The following YWHAQ variants were observed in gnomAD, a reference collection of about 807,000 sequenced individuals.
YWHAQ encodes the protein tyrosine 3-monooxygenase/tryptophan 5-monooxygenase activation protein theta.
In YWHAQ, 6 loss-of-function variants were observed where a neutral mutation model predicts 28.3. The ratio of observed to expected loss-of-function variants is 0.21; its 90% CI spans 0.12 to 0.42. YWHAQ has a LOEUF of 0.42. Ranked by LOEUF, YWHAQ falls within the 10% of genes least tolerant of loss-of-function variation. The pLI, the probability that YWHAQ is intolerant of heterozygous loss-of-function variation, is 1.00. For missense variants in YWHAQ, 201 were observed against 305.6 expected (o/e 0.66, Z 2.55); for synonymous variants, 143 against 119.1 (o/e 1.20, Z -1.31).
intron 2 of YWHAQ, among the ~76,000 whole-genome samples, chr2:9,618,257 T>A (rs1041812363): frequency 6.6e-6 from 1 of 152,238 alleles, no homozygotes; most frequent in Non-Finnish European, 1.5e-5. Context: ...ATTTGAATTA[T>A]ATTTAATTTT....
In YWHAQ at chr2:9,593,461, G is replaced by A. The variant is rs1399472430; in HGVS notation, c.295-1946C>T. On this transcript the variant is annotated intron_variant, in intron 2 of 5. Coordinates refer to ENST00000238081, the MANE Select transcript of YWHAQ (RefSeq NM_006826.4). ...TGACCTCAAGTGATCTGCCCACCTC[G>A]GCCTCCCAAAGTACTGGGATTACAG... Among the ~76,000 whole-genome samples, 9 of 151,892 alleles carry A rather than the reference G, an allele frequency of 5.9e-5. No homozygotes were observed. The East Asian group carries it at 7.8e-4, about 13-fold the overall frequency.
intron 2 of YWHAQ, among the ~76,000 whole-genome samples, chr2:9,597,983 CTATT>C (rs1666610541): frequency 1.3e-5 from 1 of 79,090 alleles, no homozygotes; most frequent in African/African-American, 8.3e-5. Context: ...CCATGCCGGG[CTATT>C]TTTTTTTTTT....
In YWHAQ at chr2:9,626,502, C is replaced by T. The variant is rs537816828; in HGVS notation, c.294+3657G>A. Among the ~76,000 whole-genome samples, 289 of 152,344 alleles carry T rather than the reference C, an allele frequency of 1.9e-3. 4 individuals are homozygous for T. Among genetic ancestry groups the T allele is most frequent in the African/African-American group, 6.6e-3 (276 of 41,584 alleles). On this transcript the variant is annotated intron_variant, in intron 2 of 5. Transcript: ENST00000238081. Reference sequence around the variant, plus strand: ...TGGAGTGCAGTGGCACATCTCGGCTCACTGCAACCTTCGCCTCCCAGATTC... The same window carrying T: ...TGGAGTGCAGTGGCACATCTCGGCTTACTGCAACCTTCGCCTCCCAGATTC...
At chr2:9,604,225 G>GT (rs1167266122) in intron 2 of YWHAQ, among the ~76,000 whole-genome samples, 1 of 152,020 alleles carries the variant, frequency 6.6e-6, no homozygotes, top group Non-Finnish European at 1.5e-5. Flanking sequence ...TTTTCTTAAG[G>GT]TAACAAACGA....
chr2:9,592,186 A>C (rs1490330406), intron 2 of YWHAQ, among the ~76,000 whole-genome samples: 3 of 152,238 alleles, frequency 2.0e-5, no homozygotes, highest in Non-Finnish European at 4.4e-5. Flanking sequence ...AGGTAAATAC[A>C]GGAATCGAGA....
chr2:9,619,977 A>G (rs749485705), intron 2 of YWHAQ, among the ~76,000 whole-genome samples: 11 of 152,240 alleles, frequency 7.2e-5, no homozygotes, highest in African/African-American at 1.7e-4. Context: ...ATGGAGTACT[A>G]ATTATTGAAG....
chr2:9,629,834 C>G (rs894224407), intron 2 of YWHAQ, among the ~76,000 whole-genome samples: 8 of 152,210 alleles, frequency 5.3e-5, no homozygotes, highest in African/African-American at 1.9e-4. Flanking sequence ...AAAGGGCTCA[C>G]AGATCTCAGG....
At chr2:9,628,240 G>A (rs1667286832) in intron 2 of YWHAQ, among the ~76,000 whole-genome samples, 1 of 152,174 alleles carries the variant, frequency 6.6e-6, no homozygotes, top group Non-Finnish European at 1.5e-5. Context: ...ATGCCTTGGT[G>A]TCTCGGATTC....
chr2:9,625,679 C>T (rs1667235196), intron 2 of YWHAQ, among the ~76,000 whole-genome samples: 1 of 152,168 alleles, frequency 6.6e-6, no homozygotes, highest in South Asian at 2.1e-4. Context: ...TATCAACCTA[C>T]CTTAGGGGAG....
intron 2 of YWHAQ, among the ~76,000 whole-genome samples, chr2:9,602,888 T>A (rs1164599270): frequency 1.1e-5 from 1 of 90,816 alleles, no homozygotes; most frequent in Non-Finnish European, 2.2e-5. Flanking sequence ...TATATATATA[T>A]ATATATATAT....
At chr2:9,625,962 A>G (rs1667239996) in intron 2 of YWHAQ, among the ~76,000 whole-genome samples, 1 of 152,156 alleles carries the variant, frequency 6.6e-6, no homozygotes, top group South Asian at 2.1e-4. Context: ...GAAGAAAAAC[A>G]TATCAGTCTT....
intron 2 of YWHAQ, among the ~76,000 whole-genome samples, chr2:9,616,667 G>A (rs934390675): frequency 5.3e-5 from 8 of 151,710 alleles, no homozygotes; most frequent in Admixed American, 3.3e-4. Flanking sequence ...TTTCTCCAAA[G>A]AGCATATACT....
In YWHAQ at chr2:9,630,480, G is replaced by A. The variant is rs771615816; in HGVS notation, c.-28C>T. ...CGGGCGCGGGGCCGGGGCCGGGGCG[G>A]AGGGCGAGGAGAGCGAGGGCGAGCG... On this transcript the variant is annotated 5_prime_UTR_variant, in exon 2 of 6. Transcript: ENST00000238081. This position sits in a 1 kb window ranked among gnomAD's most constrained non-coding sequence, Gnocchi z 5.6. The A allele has an allele frequency of 1.3e-6, 2 of 1,560,774 alleles. No individual in the cohort carries two copies. Among genetic ancestry groups the A allele is most frequent in the South Asian group, 1.2e-5 (1 of 85,800 alleles).
In YWHAQ at chr2:9,630,316, A is replaced by T; in HGVS notation, c.137T>A (p.Val46Glu). 6.2e-7 allele frequency: 1 copy of T among 1,614,160 alleles called. No individual in the cohort carries two copies. The highest frequency in any genetic ancestry group is 8.5e-7 in the Non-Finnish European group (1 of 1,180,040). ...LSNEERNLLS[V>E]AYKNVVGGRR... ...GCCCCCGACCACGTTCTTGTAGGCC[A>T]CGGAGAGCAGGTTGCGCTCCTCGTT... The change falls in exon 2 of 6, where the codon GTG becomes GAG. Residue 46 changes from valine to glutamate, a missense_variant. Coordinates refer to ENST00000238081, the MANE Select transcript of YWHAQ (RefSeq NM_006826.4). This position sits in a 1 kb window ranked among gnomAD's most constrained non-coding sequence, Gnocchi z 5.6.
rs1396623163 is a variant in YWHAQ at position 9,602,843 on chromosome 2, AAAAAAAAAAAAAAAAAAAAATATATATAT to A, written c.295-11357_295-11329del. On this transcript the variant is annotated intron_variant, in intron 2 of 5. Transcript: ENST00000238081. ...CATGCCTAATTTAAAAAAAAAAAAA[AAAAAAAAAAAAAAAAAAAAATATATATAT>A]ATATATATATATATATATATATATA... Among the ~76,000 whole-genome samples, 226 of 29,046 alleles carry A rather than the reference AAAAAAAAAAAAAAAAAAAAATATATATAT, an allele frequency of 7.8e-3. 1 individual carries two copies. The highest frequency in any genetic ancestry group is 0.01 in the Non-Finnish European group (150 of 14,380). 19.1% of individuals were successfully genotyped at this position (29,046 alleles called of 152,430 possible).
rs546875405 is a variant in YWHAQ, at chr2:9,624,522, T to TG, written c.294+5636dup. Among the ~76,000 whole-genome samples the TG allele has an allele frequency of 2.4e-3, 363 of 151,602 alleles. 2 individuals are homozygous for TG. The highest frequency in any genetic ancestry group is 9.0e-3 in the South Asian group (43 of 4,776). ...CATCTCAACCTTGGCATTATTGGCA[T>TG]GGGGGGGGCTGGGGTCTTCGTTGGG... On this transcript the variant is annotated intron_variant, in intron 2 of 5. Transcript: ENST00000238081.
At chr2:9,589,507 C>T (rs148443620) in intron 3 of YWHAQ, among the ~76,000 whole-genome samples, 3 of 152,194 alleles carry the variant, frequency 2.0e-5, no homozygotes, top group Non-Finnish European at 2.9e-5. Context: ...CACTTGAACC[C>T]GGGAGGCGGA....
intron 2 of YWHAQ, among the ~76,000 whole-genome samples, chr2:9,597,505 G>A (rs1666596624): frequency 6.6e-6 from 1 of 151,892 alleles, no homozygotes; most frequent in Non-Finnish European, 1.5e-5. Flanking sequence ...AATTAGCCAG[G>A]CGTGGTGGCA....
At chr2:9,600,881 G>A (rs1416034934) in intron 2 of YWHAQ, among the ~76,000 whole-genome samples, 1 of 152,078 alleles carries the variant, frequency 6.6e-6, no homozygotes, top group Non-Finnish European at 1.5e-5. Flanking sequence ...ACTTCTAAAG[G>A]CTTAGATGAT....
Sources: gnomAD v4.1 joint callset for allele counts (sites outside exome capture counted in the v4.1 genomes callset) on GRCh38, gnomAD v4.1.1 for gene constraint, Gnocchi (gnomAD v3.1) non-coding constraint, MANE v1.5 for transcripts, NCBI Gene and HGNC (gene_info 2026-07-23, HGNC 2026-07-21) for gene names.